NAV3: variants seen among roughly 807,000 people sequenced by gnomAD.
NAV3 encodes the protein neuron navigator 3.
In NAV3, 87 loss-of-function variants were observed where a neutral mutation model predicts 244.7. The observed-to-expected ratio is 0.36, with a 90% CI of 0.30 to 0.42. NAV3 has a LOEUF of 0.42. NAV3 is among the 20% of genes least tolerant of loss of function. The pLI is 1.00. For synonymous variants in NAV3, 1,126 were observed against 1,042.2 expected (o/e 1.08, Z -1.55); for missense variants, 2,663 against 2,893.3 (o/e 0.92, Z 1.83).
At chr12:78,121,321 C>A (rs1469582315) in intron 15 of NAV3, among the ~76,000 whole-genome samples, 2 of 152,180 alleles carry the variant, frequency 1.3e-5, no homozygotes. Context: ...TTGAATAGCA[C>A]TGGCAACTGA....
upstream of NAV3, among the ~76,000 whole-genome samples, chr12:77,830,168 T>C (rs1856039201): frequency 6.6e-6 from 1 of 152,236 alleles, no homozygotes. Context: ...AATAATTCTA[T>C]GGATGGAAGC....
At position 77,954,585 on chromosome 12, in the gene NAV3, A is replaced by G. The variant is rs1163299662; in HGVS notation, c.415-11644A>G. 2.0e-5 allele frequency among the ~76,000 whole-genome samples: 3 copies of G among 152,200 alleles called. No individual in the cohort carries two copies. The East Asian group carries it at 5.8e-4, about 29-fold the overall frequency. ...GAGTTTTGTATATGGAGTAAATAGC[A>G]TACTTGCTTATGACTCTGTGTAAAC... is the stretch of plus-strand genomic sequence containing the variant. On this transcript the variant is annotated intron_variant, in intron 3 of 39. Transcript: ENST00000397909.
At chr12:77,711,209 T>C (rs1232835446) in intron 2 of NAV3, among the ~76,000 whole-genome samples, 1 of 152,210 alleles carries the variant, frequency 6.6e-6, no homozygotes, top group East Asian at 1.9e-4. Flanking sequence ...TTTTCTTACT[T>C]TGCGTCAGAA....
intron 2 of NAV3, among the ~76,000 whole-genome samples, chr12:77,816,636 T>C (rs149800926): frequency 1.7e-4 from 26 of 152,294 alleles, no homozygotes; most frequent in African/African-American, 5.8e-4. Context: ...GCCACCTCTA[T>C]GCAGCTAATA....
chr12:77,635,609 A>G (rs1444246094), intron 2 of NAV3, among the ~76,000 whole-genome samples: 2 of 152,196 alleles, frequency 1.3e-5, no homozygotes, highest in African/African-American at 2.4e-5. Context: ...ACTTCCTGAT[A>G]AATTGGGACT....
At chr12:77,870,371 A>G (rs2136445614) in intron 1 of NAV3, among the ~76,000 whole-genome samples, 1 of 152,048 alleles carries the variant, frequency 6.6e-6, no homozygotes, top group African/African-American at 2.4e-5. Context: ...CTCAAAAAAA[A>G]AAAAAAAAAG....
At chr12:78,026,340 A>C (rs1878049674) in intron 9 of NAV3, among the ~76,000 whole-genome samples, 1 of 152,146 alleles carries the variant, frequency 6.6e-6, no homozygotes, top group Non-Finnish European at 1.5e-5. Context: ...TCTGATATTA[A>C]CCTAGCAAAT....
chr12:77,660,555 T>C (rs894773314), intron 2 of NAV3, among the ~76,000 whole-genome samples: 1 of 152,182 alleles, frequency 6.6e-6, no homozygotes, highest in Non-Finnish European at 1.5e-5. Flanking sequence ...AACCACAAAA[T>C]TCACTATTAT....
intron 12 of NAV3, among the ~76,000 whole-genome samples, chr12:78,073,021 T>C (rs1952857004): frequency 7.1e-6 from 1 of 141,086 alleles, no homozygotes; most frequent in Admixed American, 7.2e-5. Context: ...AAATTAGGTA[T>C]TGATGGGACG....
intron 2 of NAV3, among the ~76,000 whole-genome samples, chr12:77,617,233 A>G (rs1406776289): frequency 6.6e-6 from 1 of 152,196 alleles, no homozygotes; most frequent in African/African-American, 2.4e-5. Flanking sequence ...TAACTGTAGT[A>G]GCCAGTCCCC....
At chr12:77,983,790 C>A (rs1869987011) in intron 5 of NAV3, among the ~76,000 whole-genome samples, 1 of 152,226 alleles carries the variant, frequency 6.6e-6, no homozygotes, top group African/African-American at 2.4e-5. Context: ...GTTATGGTAA[C>A]TTTTTGCTAA....
intron 22 of NAV3, among the ~76,000 whole-genome samples, chr12:78,150,705 G>A (rs1373729794): frequency 6.7e-6 from 1 of 149,458 alleles, no homozygotes; most frequent in Non-Finnish European, 1.5e-5. Context: ...TCTAACATAG[G>A]GGAATAATCT....
chr12:77,959,912 CAAAAAAAAAAAAAAA>C (rs57550714), intron 3 of NAV3, among the ~76,000 whole-genome samples: 45 of 64,716 alleles, frequency 7.0e-4, no homozygotes, highest in African/African-American at 2.5e-3. Flanking sequence ...CCTGACCCGA[CAAAAAAAAAAAAAAA>C]AAAAAAAAAA....
At chr12:77,981,709 G>A (rs2464131) in intron 5 of NAV3, among the ~76,000 whole-genome samples, 14,967 of 151,842 alleles carry the variant, frequency 0.099, 993 homozygotes, top group East Asian at 0.3. Flanking sequence ...AGAAAAAATT[G>A]GGAGGTAAAA....
intron 7 of NAV3, among the ~76,000 whole-genome samples, chr12:78,005,302 C>T (rs1874008652): frequency 6.6e-6 from 1 of 152,152 alleles, no homozygotes; most frequent in African/African-American, 2.4e-5. Context: ...AGCCAAGGTT[C>T]TGAAAGTTCA....
intron 22 of NAV3, among the ~76,000 whole-genome samples, chr12:78,158,862 C>A (rs796497606): frequency 2.1e-4 from 32 of 152,238 alleles, no homozygotes; most frequent in African/African-American, 7.7e-4. Flanking sequence ...GTCTAAAAAT[C>A]TTGGCAGATC....
At chr12:78,093,678 T>A (rs921441764) in intron 12 of NAV3, among the ~76,000 whole-genome samples, 41 of 152,076 alleles carry the variant, frequency 2.7e-4, no homozygotes, top group African/African-American at 9.7e-4. Context: ...AAAATCTAAC[T>A]ATTAGAAAAA....
chr12:77,664,174 A>C (rs1873607582), intron 2 of NAV3, among the ~76,000 whole-genome samples: 1 of 152,236 alleles, frequency 6.6e-6, no homozygotes, highest in African/African-American at 2.4e-5. Context: ...GAAATAGCTA[A>C]TAATATTATT....
chr12:77,727,927 A>G (rs907870693), intron 2 of NAV3, among the ~76,000 whole-genome samples: 3 of 151,886 alleles, frequency 2.0e-5, no homozygotes, highest in African/African-American at 7.3e-5. Flanking sequence ...GAAGTCTGCC[A>G]ATATTATCCA....
Sources: gnomAD v4.1 joint callset for allele counts (sites outside exome capture counted in the v4.1 genomes callset) on GRCh38, gnomAD v4.1.1 for gene constraint, MANE v1.5 for transcripts, NCBI Gene and HGNC (gene_info 2026-07-23, HGNC 2026-07-21) for gene names.